Variants in DST observed in about 807,000 individuals in gnomAD.
DST encodes bullous pemphigoid antigen.
A neutral mutation model predicts 875.2 loss-of-function variants in DST; 253 were observed. The ratio of observed to expected loss-of-function variants is 0.29; its 90% CI spans 0.26 to 0.32. The LOEUF (loss-of-function observed/expected upper bound fraction) is 0.32, where lower values mean the gene tolerates loss of function less well. Ranked by LOEUF, DST falls within the 10% of genes least tolerant of loss-of-function variation. The pLI is 1.00. For synonymous variants in DST, 3,124 were observed against 3,197.1 expected (o/e 0.98, Z 0.77); for missense variants, 8,287 against 9,111.6 (o/e 0.91, Z 3.68).
At chr6:56,492,840 C>T in intron 84 of DST, 94 bp downstream of exon 84, 1 of 1,111,984 alleles carries the variant, frequency 9.0e-7, no homozygotes, top group South Asian at 2.0e-5. Flanking sequence ...CCACCACAGT[C>T]CTGGACGACA....
At chr6:56,804,485 C>A (rs187610489) in intron 4 of DST, among the ~76,000 whole-genome samples, 1 of 152,246 alleles carries the variant, frequency 6.6e-6, no homozygotes, top group Non-Finnish European at 1.5e-5. Flanking sequence ...ATATTGCTTG[C>A]TCCAAAGAAA....
chr6:56,914,796 G>A (rs1800174164), intron 2 of DST, among the ~76,000 whole-genome samples: 2 of 152,194 alleles, frequency 1.3e-5, no homozygotes, highest in Admixed American at 1.3e-4. Context: ...CAAAAAATGA[G>A]AGTAATGGCA....
At chr6:56,940,191 T>TATAC (rs1184681490) in intron 2 of DST, among the ~76,000 whole-genome samples, 96 of 142,302 alleles carry the variant, frequency 6.7e-4, no homozygotes, top group Middle Eastern at 3.5e-3. Context: ...ATTACCCCCA[T>TATAC]ACACACACAC....
At chr6:56,701,990 GAA>G (rs771460540) in intron 7 of DST, 25 bp from the exon 8 acceptor site, 2 of 1,449,432 alleles carry the variant, frequency 1.4e-6, no homozygotes, top group Admixed American at 3.5e-5. Context: ...ATGCAGGTAT[GAA>G]AAAGAGTTTC....
intron 9 of DST, among the ~76,000 whole-genome samples, chr6:56,677,679 A>C (rs2099137537): frequency 6.6e-6 from 1 of 152,148 alleles, no homozygotes; most frequent in South Asian, 2.1e-4. Flanking sequence ...AGGTAGCACC[A>C]AAACAAACAA....
chr6:56,560,245 A>C, intron 58 of DST, 49 bp downstream of exon 58: 1 of 1,492,690 alleles, frequency 6.7e-7, no homozygotes, highest in Non-Finnish European at 9.0e-7. Context: ...AAACATGAAA[A>C]ATGATTGCAC....
chr6:56,525,272 C>T (rs533371529), intron 69 of DST, among the ~76,000 whole-genome samples: 3 of 152,256 alleles, frequency 2.0e-5, no homozygotes, highest in Admixed American at 6.5e-5. Context: ...ATAAACTTCA[C>T]AAATAAACAC....
intron 37 of DST, among the ~76,000 whole-genome samples, 164 bp from the exon 38 acceptor site, chr6:56,611,760 AAGAGT>A (rs1373732141): frequency 6.6e-6 from 1 of 152,212 alleles, no homozygotes; most frequent in Non-Finnish European, 1.5e-5. Context: ...AGAGCTAGAT[AAGAGT>A]ATTTTATTTA....
intron 3 of DST, among the ~76,000 whole-genome samples, chr6:56,870,556 C>T (rs1001272426): frequency 1.3e-5 from 2 of 151,748 alleles, no homozygotes; most frequent in African/African-American, 2.4e-5. Flanking sequence ...TGAGGTCAGG[C>T]GTTCAAGATC....
At position 56,822,835 on chromosome 6, in the gene DST, A is replaced by T. The variant is rs567865972; in HGVS notation, c.625+28562T>A. On this transcript the variant is annotated intron_variant, in intron 4 of 103. Coordinates refer to ENST00000680361, the MANE Select transcript of DST (RefSeq NM_001374736.1). Reference sequence around the variant, plus strand: ...TATTTTTATTTTATTTTATTTATTTATTTTTTTTTTGAGAAGGAGTCTCGT... The same window carrying T: ...TATTTTTATTTTATTTTATTTATTTTTTTTTTTTTTGAGAAGGAGTCTCGT... Among the ~76,000 whole-genome samples, 243 of 148,310 alleles carry T rather than the reference A, an allele frequency of 1.6e-3. 3 individuals are homozygous for T. Among genetic ancestry groups the T allele is most frequent in the Middle Eastern group, 6.9e-3 (2 of 288 alleles).
At chr6:56,464,421 T>C in intron 100 of DST, 1 of 492,564 alleles carries the variant, frequency 2.0e-6, no homozygotes, top group Non-Finnish European at 3.6e-6. Context: ...TACAAACACA[T>C]ACGCACACGG....
chr6:56,597,327 C>T (rs1586138436), intron 47 of DST, among the ~76,000 whole-genome samples: 2 of 152,096 alleles, frequency 1.3e-5, no homozygotes, highest in Admixed American at 1.3e-4. Flanking sequence ...CAAATTCCAG[C>T]CCTTTCTAGA....
Position 56,524,539 on chromosome 6 carries a change from G to A in DST, c.18129+1822C>T, listed in dbSNP as rs191019263. ...TGCTACTCTGCCACTTACTGCTTGT[G>A]AGACCACATGCAAGTCACTTTATCC... On this transcript the variant is annotated intron_variant, in intron 69 of 103. Transcript: ENST00000680361. Among the ~76,000 whole-genome samples the A allele has an allele frequency of 1.1e-3, 174 of 152,250 alleles. 3 individuals are homozygous for A. The highest frequency in any genetic ancestry group is 4.0e-3 in the African/African-American group (167 of 41,554).
Position 56,527,631 on chromosome 6 carries a change from C to T in DST, c.17784G>A (p.Ala5928=), listed in dbSNP as rs760938132. The change falls in exon 68 of 104, where the codon GCG becomes GCA. Residue 5928 remains alanine (A), a synonymous_variant. Transcript: ENST00000680361. ...AGTGCAGCCGCCTTGCAAGCTGCAGCGCCTGTTCCAGAGTCTTGGCCACAT... is the reference window on the plus strand; with the variant it reads ...AGTGCAGCCGCCTTGCAAGCTGCAGTGCCTGTTCCAGAGTCTTGGCCACAT... The part of the protein sequence containing the change: ...STDVAKTLEQ[A]LQLARRLHST... 140 of 1,613,634 alleles carry T rather than the reference C, an allele frequency of 8.7e-5. No individual in the cohort carries two copies. The highest frequency in any genetic ancestry group is 5.7e-4 in the South Asian group (52 of 91,078).
At chr6:56,556,570 C>T (rs941861085) in intron 59 of DST, among the ~76,000 whole-genome samples, 1 of 152,042 alleles carries the variant, frequency 6.6e-6, no homozygotes, top group Admixed American at 6.6e-5. Flanking sequence ...GGATTATGAA[C>T]AGATATGAAT....
intron 58 of DST, among the ~76,000 whole-genome samples, chr6:56,558,410 A>G (rs930307481): frequency 2.0e-5 from 3 of 152,102 alleles, no homozygotes; most frequent in African/African-American, 7.2e-5. Flanking sequence ...CATCTTTAAC[A>G]GAGATTTCTG....
In DST at chr6:56,553,128, C is replaced by T. The variant is rs772972201; in HGVS notation, c.15664G>A (p.Val5222Ile). The change falls in exon 61 of 104, where the codon GTA becomes ATA. Residue 5222 changes from valine (V) to isoleucine (I), a missense_variant. Transcript: ENST00000680361. ...QKEMDQHFGM[V>I]ELLNNTANSL... is the part of the protein sequence containing the mutation. ...TTGGCTGTGTTGTTCAGTAATTCTA[C>T]CATACCAAAGTGTTGGTCCATTTCC... 1 of 1,613,888 alleles carries T rather than the reference C, an allele frequency of 6.2e-7. No homozygotes were observed. The highest frequency in any genetic ancestry group is 1.3e-5 in the African/African-American group (1 of 74,926).
At chr6:56,793,859 A>G (rs1360554952) in intron 4 of DST, among the ~76,000 whole-genome samples, 1 of 152,234 alleles carries the variant, frequency 6.6e-6, no homozygotes, top group Non-Finnish European at 1.5e-5. Context: ...CAATAAAAGA[A>G]TGAAAATGAG....
At chr6:56,734,938 T>C (rs978208867) in intron 5 of DST, 6 of 282,738 alleles carry the variant, frequency 2.1e-5, no homozygotes, top group Admixed American at 1.6e-4. Flanking sequence ...CATATAAATA[T>C]TTACAGATTT....
Sources: gnomAD v4.1 joint callset for allele counts (sites outside exome capture counted in the v4.1 genomes callset) on GRCh38, gnomAD v4.1.1 for gene constraint, MANE v1.5 for transcripts, NCBI Gene and HGNC (gene_info 2026-07-23, HGNC 2026-07-21) for gene names.